The following FAAP100 variants were observed in gnomAD, a reference collection of about 807,000 sequenced individuals.
FAAP100 encodes FA core complex associated protein 100, also known as Fanconi anemia core complex-associated protein 100.
In FAAP100, 46 loss-of-function variants were observed where a neutral mutation model predicts 65.8. The observed-to-expected ratio is 0.70, with a 90% CI of 0.55 to 0.89. The LOEUF (loss-of-function observed/expected upper bound fraction) is 0.89. Ranked by LOEUF, FAAP100 falls within the 40% of genes least tolerant of loss-of-function variation. FAAP100 has a pLI of 0.00. For missense variants in FAAP100, 1,165 were observed against 1,196.7 expected, an observed-to-expected ratio of 0.97 and a Z score of 0.39; for synonymous variants, 663 against 555.1, an observed-to-expected ratio of 1.19 and a Z score of -2.73.
At chr17:81,541,664 G>A (rs371127964) in intron 7 of FAAP100, among the ~76,000 whole-genome samples, 16 of 152,184 alleles carry the variant, frequency 1.1e-4, no homozygotes, top group African/African-American at 3.4e-4. Context: ...GATCTTCCCT[G>A]TCCCCAAGAG....
In FAAP100 at chr17:81,549,262, C is replaced by A; in HGVS notation, c.1347G>T (p.Glu449Asp). 14 of 1,613,262 alleles carry A rather than the reference C, an allele frequency of 8.7e-6. No homozygotes were observed. The highest frequency in any genetic ancestry group is 1.1e-5 in the Non-Finnish European group (13 of 1,180,022). ...GCTCCTTTATTTTCTGACCTGCACT[C>A]TCTGTGGTCATCCTGGCTGGGCCAG... ...EMPGPARMTT[E>D]SAGQKIKELL... Residue 449 changes from glutamate to aspartate, a missense_variant, in exon 4 of 9, where the codon GAG (glutamate) becomes GAT (aspartate). Glu to Asp is a conservative substitution (Grantham distance 45, BLOSUM62 2). Transcript: ENST00000327787.
chr17:81,541,677 A>C (rs979876922), intron 7 of FAAP100, among the ~76,000 whole-genome samples: 25 of 152,174 alleles, frequency 1.6e-4, no homozygotes, highest in African/African-American at 6.0e-4. Flanking sequence ...CCCAAGAGCC[A>C]CACTCTGTGC....
chr17:81,540,042 G>C lies in FAAP100; in HGVS notation c.*777C>G, dbSNP rs1598586110. 2 of 397,876 alleles carry C rather than the reference G, an allele frequency of 5.0e-6. No individual in the cohort carries two copies. Among genetic ancestry groups the C allele is most frequent in the East Asian group, 3.6e-5 (1 of 27,984 alleles). The allele number at this position is 397,876 out of a possible 1,614,324, so 24.6% of individuals were successfully genotyped here. On this transcript the variant is annotated 3_prime_UTR_variant, in exon 9 of 9. Coordinates refer to ENST00000327787, the MANE Select transcript of FAAP100 (RefSeq NM_025161.6). ...CAGGAGGTGGGCCGTAGCCCAGGCTGAGGGAGGAGGCTGGGGGCTGGGGCT... is the reference window on the plus strand; with the variant it reads ...CAGGAGGTGGGCCGTAGCCCAGGCTCAGGGAGGAGGCTGGGGGCTGGGGCT...
chr17:81,551,946 T>C lies in FAAP100; in HGVS notation c.272A>G (p.Asp91Gly). The change falls in exon 2 of 9, where the codon GAC becomes GGC. Residue 91 changes from aspartate (D) to glycine (G), a missense_variant. Transcript: ENST00000327787. ...CCCTCACCTGCTCCTGCCCGGGTGG[T>C]CCAGCGACAGGCAGTAGAGGCCCCT... ...ARRGLYCLSL[D>G]HPGRSRSTSQ... The C allele has an allele frequency of 6.4e-7, 1 of 1,560,902 alleles. No homozygotes were observed. Among genetic ancestry groups the C allele is most frequent in the Non-Finnish European group, 8.6e-7 (1 of 1,162,822 alleles).
intron 4 of FAAP100, 127 bp downstream of exon 4, chr17:81,549,073 AGAGGCC>A: frequency 1.7e-6 from 1 of 584,540 alleles, no homozygotes; most frequent in Non-Finnish European, 2.6e-6. Context: ...AAAAAAAAAA[AGAGGCC>A]AAGTAATGGC....
chr17:81,542,647 G>A (rs1239733071), intron 7 of FAAP100, among the ~76,000 whole-genome samples: 1 of 152,196 alleles, frequency 6.6e-6, no homozygotes, highest in East Asian at 1.9e-4. Context: ...AGCAGTGCAT[G>A]GGCTCCTGGG....
chr17:81,540,500 G>C lies in FAAP100; in HGVS notation c.*319C>G. ...CCTCCTGGCCTCAGGGGCTGCTGCG[G>C]TGGTGGGAAGGCTGCCCAGCAGTGA... On this transcript the variant is annotated 3_prime_UTR_variant, in exon 9 of 9. Transcript: ENST00000327787. 1 of 412,832 alleles carries C rather than the reference G, an allele frequency of 2.4e-6. No individual in the cohort carries two copies. The highest frequency in any genetic ancestry group is 4.3e-6 in the Non-Finnish European group (1 of 234,068). 25.6% of individuals were successfully genotyped at this position (412,832 alleles called of 1,614,324 possible).
intron 4 of FAAP100, chr17:81,548,056 T>G: frequency 1.5e-6 from 1 of 671,078 alleles, no homozygotes. Context: ...CCCAGAATGT[T>G]CCTAGTGGGC....
At chr17:81,542,832 C>A (rs888852819) in intron 7 of FAAP100, among the ~76,000 whole-genome samples, 1 of 152,222 alleles carries the variant, frequency 6.6e-6, no homozygotes. Flanking sequence ...AACCCAGGGG[C>A]TGGAGCTCTG....
intron 5 of FAAP100, 64 bp from the exon 6 acceptor site, chr17:81,545,946 C>G: frequency 6.5e-7 from 1 of 1,545,550 alleles, no homozygotes; most frequent in Non-Finnish European, 8.7e-7. Flanking sequence ...GCCGATCCTA[C>G]CAGGTGGGCA....
intron 7 of FAAP100, among the ~76,000 whole-genome samples, chr17:81,543,332 A>G (rs1438469373): frequency 2.6e-5 from 4 of 151,926 alleles, no homozygotes; most frequent in Admixed American, 2.6e-4. Flanking sequence ...CTAAAAAGAA[A>G]CTCCGGAACC....
chr17:81,546,830 G>A, intron 5 of FAAP100, 79 bp downstream of exon 5: 2 of 1,312,138 alleles, frequency 1.5e-6, no homozygotes, highest in South Asian at 2.3e-5. Flanking sequence ...CTCCAGCCTG[G>A]GCAACAGAGC....
Position 81,544,006 on chromosome 17 carries a change from G to T in FAAP100, c.2425C>A (p.Gln809Lys). ...CCTTCCCCAGCGGGCCGACATACCT[G>T]CATGCGCCCGACAACGGCATGGTGC... ...RAHHAVVGRMQTMVTEQATQG... is the reference protein window; with the variant it reads ...RAHHAVVGRMKTMVTEQATQG... The change falls in exon 7 of 9, where the codon CAG becomes AAG. Residue 809 changes from glutamine to lysine, a missense_variant and splice_region_variant. Physicochemically the swap from Gln to Lys is moderately conservative, Grantham distance 53. Transcript: ENST00000327787. The T allele has an allele frequency of 6.2e-7, 1 of 1,611,132 alleles. No individual in the cohort carries two copies. The highest frequency in any genetic ancestry group is 8.5e-7 in the Non-Finnish European group (1 of 1,178,872).
Position 81,541,337 on chromosome 17 carries a change from T to C in FAAP100, c.2486A>G (p.Tyr829Cys), listed in dbSNP as rs773528238. The C allele has an allele frequency of 1.2e-6, 2 of 1,611,514 alleles. No homozygotes were observed. The highest frequency in any genetic ancestry group is 8.5e-7 in the Non-Finnish European group (1 of 1,179,800). The change falls in exon 8 of 9, where the codon TAC becomes TGC. Residue 829 changes from tyrosine to cysteine, a missense_variant. Physicochemically the swap from Tyr to Cys is radical, Grantham distance 194. Coordinates refer to ENST00000327787, the MANE Select transcript of FAAP100 (RefSeq NM_025161.6). ...GSSAPDLRVQ[Y>C]LRQIHANHET... ...GTGGTTGGCGTGGATCTGGCGGAGG[T>C]ACTGCACACGGAGATCAGGAGCGCT... is the stretch of plus-strand genomic sequence containing the variant.
Position 81,551,026 on chromosome 17 carries a change from C to T in FAAP100, c.468G>A (p.Glu156=). The change falls in exon 3 of 9, where the codon GAG becomes GAA. Residue 156 remains glutamate (E), a synonymous_variant. Coordinates refer to ENST00000327787, the MANE Select transcript of FAAP100 (RefSeq NM_025161.6). ...GGGGGTCCTCCCCAGGACAGGGCTG[C>T]TCAAACAGCTGCATCTTCCATCGGG... ...GPARWKMQLF[E]QPCPGEDPRP... The T allele has an allele frequency of 6.2e-7, 1 of 1,610,542 alleles. No homozygotes were observed. The highest frequency in any genetic ancestry group is 1.1e-5 in the South Asian group (1 of 90,524).
In FAAP100 at chr17:81,541,399, G is replaced by C; in HGVS notation, c.2428-4C>G. Reference sequence around the variant, plus strand: ...TGGCCTGCTCTGTCACCATCGTCTGGGGGACACAGGAGACATGCTGGAGAG... The same window carrying C: ...TGGCCTGCTCTGTCACCATCGTCTGCGGGACACAGGAGACATGCTGGAGAG... On this transcript the variant is annotated splice_polypyrimidine_tract_variant and splice_region_variant and intron_variant, in intron 7 of 8. Coordinates refer to ENST00000327787, the MANE Select transcript of FAAP100 (RefSeq NM_025161.6). 6.2e-7 allele frequency: 1 copy of C among 1,600,836 alleles called. No individual in the cohort carries two copies. The highest frequency in any genetic ancestry group is 8.5e-7 in the Non-Finnish European group (1 of 1,171,794).
intron 2 of FAAP100, 119 bp from the exon 3 acceptor site, chr17:81,551,322 G>A (rs2033487336): frequency 3.0e-6 from 3 of 992,280 alleles, no homozygotes; most frequent in Middle Eastern, 3.1e-4. Context: ...CCCCAAGGCC[G>A]CTCAGCAGTC....
At chr17:81,542,494 C>A (rs1030431522) in intron 7 of FAAP100, among the ~76,000 whole-genome samples, 1 of 152,162 alleles carries the variant, frequency 6.6e-6, no homozygotes, top group Non-Finnish European at 1.5e-5. Flanking sequence ...GCAGCACTGG[C>A]CTGCCGGGGG....
At chr17:81,542,200 AATATATATATATATATATATAT>A (rs760595551) in intron 7 of FAAP100, among the ~76,000 whole-genome samples, 1 of 27,240 alleles carries the variant, frequency 3.7e-5, no homozygotes, top group Non-Finnish European at 6.2e-5. Context: ...AAAAAAAAAA[AATATATATATATATATATATAT>A]ATATATATAT....
Sources: gnomAD v4.1 joint callset for allele counts (sites outside exome capture counted in the v4.1 genomes callset) on GRCh38, gnomAD v4.1.1 for gene constraint, MANE v1.5 for transcripts, NCBI Gene and HGNC (gene_info 2026-07-23, HGNC 2026-07-21) for gene names.